Variants in CAMK2G observed in about 807,000 individuals in gnomAD.
The protein encoded by CAMK2G is calcium/calmodulin dependent protein kinase II gamma.
CAMK2G carries 23 observed loss-of-function variants against 88.7 expected under a neutral mutation model. The ratio of observed to expected loss-of-function variants is 0.26; its 90% CI spans 0.19 to 0.37. The LOEUF is 0.37. Ranked by LOEUF, CAMK2G falls within the 10% of genes least tolerant of loss-of-function variation. The probability of loss-of-function intolerance (pLI) is 1.00; values close to 1 mark genes in which losing one functional copy is unlikely to be tolerated. For synonymous variants in CAMK2G, 263 were observed against 294.8 expected, an observed-to-expected ratio of 0.89 and a Z score of 1.11; for missense variants, 476 against 780.8, an observed-to-expected ratio of 0.61 and a Z score of 4.65.
rs2085845205 is a variant in CAMK2G, at chr10:73,817,042, A to C, written c.1515T>G (p.His505Gln). Residue 505 changes from histidine (H) to glutamine (Q), a missense_variant, in exon 21 of 23, where the codon CAT becomes CAG. His to Gln is a conservative substitution (Grantham distance 24). Around this residue, in one of 3 missense-constraint regions of CAMK2G, gnomAD observed 278 missense variants for 366.5 expected, o/e 0.76. Transcript: ENST00000423381. The stretch of plus-strand genomic sequence containing the variant: ...ACTCACGATTCTCAAAGTAAAACTT[A>C]TGGAAATCCATCCCCTCCACGAGGT... ...LGNLVEGMDF[H>Q]KFYFENLLSK... The C allele has an allele frequency of 3.7e-6, 6 of 1,614,152 alleles. No individual in the cohort carries two copies. Among genetic ancestry groups the C allele is most frequent in the Non-Finnish European group, 5.1e-6 (6 of 1,180,016 alleles).
In CAMK2G at chr10:73,819,445, G is replaced by A. The variant is rs1468532885; in HGVS notation, c.1363+87C>T. On this transcript the variant is annotated intron_variant, in intron 19 of 22. Coordinates refer to ENST00000423381, the MANE Select transcript of CAMK2G (RefSeq NM_001367534.1). ...AGCTTACTACCACGGGCAGGTGGGT[G>A]GGACTGACAGCTGTGGTGGGGGTCC... 9 of 894,756 alleles carry A rather than the reference G, an allele frequency of 1.0e-5. No homozygotes were observed. The East Asian group carries it at 1.3e-4, about 13-fold the overall frequency. 55.4% of individuals were successfully genotyped at this position (894,756 alleles called of 1,614,324 possible).
intron 15 of CAMK2G, 117 bp downstream of exon 15, chr10:73,827,972 G>T: frequency 3.4e-6 from 3 of 877,352 alleles, no homozygotes; most frequent in Non-Finnish European, 5.8e-6. Context: ...TGCCCACACA[G>T]CACAGACATG....
At position 73,815,168 on chromosome 10, in the gene CAMK2G, G is replaced by C. The variant is rs1330825850; in HGVS notation, c.1614C>G (p.Cys538Trp). 6.2e-7 allele frequency: 1 copy of C among 1,614,238 alleles called. No individual in the cohort carries two copies. Among genetic ancestry groups the C allele is most frequent in the Non-Finnish European group, 8.5e-7 (1 of 1,180,024 alleles). ...HVHVIGEDAACIAYIRLTQYI... is the reference protein window; with the variant it reads ...HVHVIGEDAAWIAYIRLTQYI... ...ACTGGGTGAGGCGGATGTAGGCGAT[G>C]CACGCTGCGTCCTCCCCAATCACGT... The change falls in exon 22 of 23, where the codon TGC (cysteine) becomes TGG (tryptophan). Residue 538 changes from cysteine to tryptophan, a missense_variant. By Grantham distance (215) the Cys-to-Trp change is radical. Around this residue, in one of 3 missense-constraint regions of CAMK2G, gnomAD observed 278 missense variants for 366.5 expected, o/e 0.76. Transcript: ENST00000423381.
intron 5 of CAMK2G, among the ~76,000 whole-genome samples, chr10:73,851,229 T>C (rs2094589191): frequency 6.6e-6 from 1 of 152,170 alleles, no homozygotes; most frequent in South Asian, 2.1e-4. Flanking sequence ...ATAAGCCAGA[T>C]AAGCTGCAGG....
At chr10:73,866,762 G>A (rs1044644635) in intron 2 of CAMK2G, among the ~76,000 whole-genome samples, 1 of 152,106 alleles carries the variant, frequency 6.6e-6, no homozygotes, top group African/African-American at 2.4e-5. Flanking sequence ...AGCAGCAGAG[G>A]CCGCCGTCTG....
intron 2 of CAMK2G, among the ~76,000 whole-genome samples, chr10:73,867,032 T>A (rs769976445): frequency 6.6e-6 from 1 of 152,198 alleles, no homozygotes; most frequent in Admixed American, 6.5e-5. Flanking sequence ...TGGTTTCTAA[T>A]GCCCTCACAC....
rs2093832694 is a variant in CAMK2G at position 73,842,055 on chromosome 10, G to C, written c.946+114C>G. The C allele has an allele frequency of 2.4e-6, 2 of 819,926 alleles. No individual in the cohort carries two copies. The highest frequency in any genetic ancestry group is 3.3e-5 in the African/African-American group (2 of 60,040). The allele number at this position is 819,926 out of a possible 1,614,324, so 50.8% of individuals were successfully genotyped here. Reference sequence around the variant, plus strand: ...TCAAAACAGGATCCTCACTCGCCCTGGTCAAGGTGTGGCCCAGGACGCCGA... The same window carrying C: ...TCAAAACAGGATCCTCACTCGCCCTCGTCAAGGTGTGGCCCAGGACGCCGA... On this transcript the variant is annotated intron_variant, in intron 12 of 22. Transcript: ENST00000423381. The surrounding 1 kb of genome is among the most constrained non-coding windows in gnomAD (Gnocchi z 4.6).
intron 10 of CAMK2G, chr10:73,846,609 C>T (rs2094258547): frequency 6.6e-6 from 1 of 152,208 alleles, no homozygotes; most frequent in Non-Finnish European, 1.5e-5. Context: ...TTAATAAACA[C>T]AGAATGGACA....
intron 14 of CAMK2G, among the ~76,000 whole-genome samples, chr10:73,829,659 A>T (rs1308766918): frequency 1.4e-5 from 2 of 143,838 alleles, no homozygotes; most frequent in African/African-American, 5.3e-5. Context: ...TCATCCCTCA[A>T]AAAGAAGGAG....
intron 14 of CAMK2G, among the ~76,000 whole-genome samples, chr10:73,833,658 T>TAA (rs1565280445): frequency 6.6e-6 from 1 of 150,910 alleles, no homozygotes; most frequent in Non-Finnish European, 1.5e-5. Context: ...TGCAGTGGTG[T>TAA]AATCCCAGCT....
At chr10:73,847,446 CTG>C in intron 9 of CAMK2G, 99 bp from the exon 10 acceptor site, 1 of 1,299,146 alleles carries the variant, frequency 7.7e-7, no homozygotes, top group Non-Finnish European at 1.1e-6. Flanking sequence ...TTGGGATACT[CTG>C]TGGTACCTAA....
At chr10:73,861,288 A>G (rs948879068) in intron 2 of CAMK2G, among the ~76,000 whole-genome samples, 4 of 152,228 alleles carry the variant, frequency 2.6e-5, no homozygotes, top group Admixed American at 6.5e-5. Context: ...ATTTGAATCC[A>G]GGTATTCAAC....
chr10:73,869,028 A>C (rs938957689), intron 2 of CAMK2G, among the ~76,000 whole-genome samples: 2 of 152,184 alleles, frequency 1.3e-5, no homozygotes, highest in Non-Finnish European at 2.9e-5. Flanking sequence ...GCAGACACAC[A>C]ATCTGGAGAA....
At chr10:73,816,829 G>C in intron 21 of CAMK2G, 194 bp downstream of exon 21, 13 of 1,553,810 alleles carry the variant, frequency 8.4e-6, no homozygotes, top group Non-Finnish European at 1.1e-5. Flanking sequence ...GGCACTTGGA[G>C]CTCAGGAGCA....
intron 14 of CAMK2G, 130 bp downstream of exon 14, chr10:73,837,337 AG>A: frequency 1.3e-6 from 1 of 795,014 alleles, no homozygotes; most frequent in Non-Finnish European, 2.3e-6. Flanking sequence ...CTGAGCACAA[AG>A]GCATCTGGTT....
intron 10 of CAMK2G, among the ~76,000 whole-genome samples, chr10:73,845,126 T>A (rs561961333): frequency 6.6e-6 from 1 of 152,202 alleles, no homozygotes; most frequent in Non-Finnish European, 1.5e-5. Flanking sequence ...ATCTACAGCA[T>A]AGGAAGAGGC....
At chr10:73,832,332 CAG>C (rs2092583426) in intron 14 of CAMK2G, among the ~76,000 whole-genome samples, 1 of 151,198 alleles carries the variant, frequency 6.6e-6, no homozygotes, top group Non-Finnish European at 1.5e-5. Flanking sequence ...TTTTTTGAGA[CAG>C]AATCTTGCTC....
At chr10:73,856,392 C>T (rs764336587) in intron 3 of CAMK2G, among the ~76,000 whole-genome samples, 41 of 152,316 alleles carry the variant, frequency 2.7e-4, no homozygotes, top group Non-Finnish European at 5.6e-4. Context: ...AATCTGTCCC[C>T]ACTACCTGTG....
intron 1 of CAMK2G, among the ~76,000 whole-genome samples, chr10:73,873,873 G>C (rs920511302): frequency 1.4e-5 from 2 of 138,066 alleles, no homozygotes; most frequent in East Asian, 2.3e-4. Context: ...CTGCAGGGGT[G>C]GGGGGAGGGG....
Sources: gnomAD v4.1 joint callset for allele counts (sites outside exome capture counted in the v4.1 genomes callset) on GRCh38, gnomAD v4.1.1 for gene constraint, gnomAD v4.1.1 regional missense constraint, Gnocchi (gnomAD v3.1) non-coding constraint, MANE v1.5 for transcripts, NCBI Gene and HGNC (gene_info 2026-07-23, HGNC 2026-07-21) for gene names.